FNTB: variants seen among roughly 807,000 people sequenced by gnomAD.
FNTB encodes protein farnesyltransferase subunit beta.
FNTB carries 27 observed loss-of-function variants against 59.4 expected under a neutral mutation model. The ratio of observed to expected loss-of-function variants is 0.45; its 90% CI spans 0.34 to 0.63. The LOEUF (loss-of-function observed/expected upper bound fraction) is 0.63, where lower values mean the gene tolerates loss of function less well. Ranked by LOEUF, FNTB falls within the 20% of genes least tolerant of loss-of-function variation. The probability of loss-of-function intolerance (pLI) is 0.02; values close to 1 mark genes in which losing one functional copy is unlikely to be tolerated. For missense variants in FNTB, 449 were observed against 559.6 expected, an observed-to-expected ratio of 0.80 and a Z score of 1.99; for synonymous variants, 230 against 220.7, an observed-to-expected ratio of 1.04 and a Z score of -0.37.
chr14:65,006,066 A>C, intron 2 of FNTB: 1 of 1,453,732 alleles, frequency 6.9e-7, no homozygotes, highest in Non-Finnish European at 9.3e-7. Flanking sequence ...GAGATCTTCT[A>C]ACAGACTAAA....
chr14:65,044,226 C>T lies in FNTB; in HGVS notation c.823-85C>T, dbSNP rs2062425132. Reference sequence around the variant, plus strand: ...GCCACAAGATGGGAAACCCTCCATCCCACAGATTGACTCCTGGAGATTCTG... The same window carrying T: ...GCCACAAGATGGGAAACCCTCCATCTCACAGATTGACTCCTGGAGATTCTG... On this transcript the variant is annotated intron_variant, in intron 8 of 11. Transcript: ENST00000246166. This position sits in a 1 kb window ranked among gnomAD's most constrained non-coding sequence, Gnocchi z 5.5. 1.9e-6 allele frequency: 3 copies of T among 1,598,956 alleles called. No homozygotes were observed. In the African/African-American group the frequency reaches 4.1e-5, roughly 22 times the overall value.
chr14:65,060,977 C>T (rs547803700), intron 11 of FNTB, among the ~76,000 whole-genome samples: 8 of 150,642 alleles, frequency 5.3e-5, no homozygotes, highest in Admixed American at 2.7e-4. Context: ...TATTTAAATG[C>T]GTGTTTATAA....
rs2061606689 is a variant in FNTB at position 65,007,091 on chromosome 14, G to A, written c.209+2778G>A. Reference sequence around the variant, plus strand: ...GTTTTAAAGGATGCTAATTAATATTGGAGATACTATACATTTTGGCTGAAT... The same window carrying A: ...GTTTTAAAGGATGCTAATTAATATTAGAGATACTATACATTTTGGCTGAAT... On this transcript the variant is annotated intron_variant, in intron 2 of 11. Coordinates refer to ENST00000246166, the MANE Select transcript of FNTB (RefSeq NM_002028.4). The surrounding 1 kb of genome is among the most constrained non-coding windows in gnomAD (Gnocchi z 4.9). 6.6e-6 allele frequency among the ~76,000 whole-genome samples: 1 copy of A among 152,096 alleles called. No homozygotes were observed. The highest frequency in any genetic ancestry group is 2.1e-4 in the South Asian group (1 of 4,830).
chr14:65,020,393 G>A (rs773785987), intron 4 of FNTB, among the ~76,000 whole-genome samples: 141 of 151,972 alleles, frequency 9.3e-4, no homozygotes, highest in Non-Finnish European at 1.7e-3. Flanking sequence ...GATTATAGGC[G>A]TGAGCCACCA....
At chr14:65,039,039 G>A (rs2062282355) in intron 7 of FNTB, among the ~76,000 whole-genome samples, 2 of 151,758 alleles carry the variant, frequency 1.3e-5, no homozygotes, top group Non-Finnish European at 2.9e-5. Context: ...TGTTTGTTTT[G>A]GTCTCCTCTT....
At position 64,986,982 on chromosome 14, in the gene FNTB, A is replaced by G. The variant is rs775983734; in HGVS notation, c.29A>G (p.Tyr10Cys). Residue 10 changes from tyrosine (Y) to cysteine (C), a missense_variant, in exon 1 of 12, where the codon TAT becomes TGT. Coordinates refer to ENST00000246166, the MANE Select transcript of FNTB (RefSeq NM_002028.4). MASPSSFTY[Y>C]CPPSSSPVWS... is the part of the protein sequence containing the mutation. ...GCTTCTCCGAGTTCTTTCACCTACT[A>G]TTGCCCTCCATCTTCCTCCCCCGTC... 39 of 1,613,816 alleles carry G rather than the reference A, an allele frequency of 2.4e-5. No individual in the cohort carries two copies. The highest frequency in any genetic ancestry group is 6.7e-5 in the African/African-American group (5 of 74,826).
intron 9 of FNTB, 136 bp from the exon 10 acceptor site, chr14:65,053,102 C>A: frequency 1.8e-6 from 1 of 545,564 alleles, no homozygotes; most frequent in Non-Finnish European, 2.8e-6. Flanking sequence ...GGGAAGATAG[C>A]AGTTGTACCA....
At chr14:64,987,255 G>T in intron 1 of FNTB, 158 bp downstream of exon 1, 1 of 856,892 alleles carries the variant, frequency 1.2e-6, no homozygotes, top group Non-Finnish European at 1.8e-6. Flanking sequence ...GCCCAGGCTT[G>T]GGCTTCGTCG....
At position 65,032,619 on chromosome 14, in the gene FNTB, C is replaced by G; in HGVS notation, c.615C>G (p.Tyr205Ter). The change falls in exon 7 of 12, where the codon TAC (tyrosine) becomes TAG (stop). Residue 205 changes from tyrosine to a stop codon, truncating the protein, a stop_gained. Transcript: ENST00000246166. LOFTEE classifies it high-confidence loss of function. The surrounding 1 kb of genome is among the most constrained non-coding windows in gnomAD (Gnocchi z 5.0). ...GTTTCTGTCTTTCCAGAAGCGCATA[C>G]TGTGCTGCCTCCGTAGCCTCGCTGA... ...VGGEVDVRSA[Y>*]CAASVASLTN... The G allele has an allele frequency of 2.5e-6, 4 of 1,613,820 alleles. No homozygotes were observed. Among genetic ancestry groups the G allele is most frequent in the Non-Finnish European group, 3.4e-6 (4 of 1,179,998 alleles).
intron 9 of FNTB, among the ~76,000 whole-genome samples, chr14:65,049,932 C>A (rs1422956907): frequency 6.6e-6 from 1 of 151,746 alleles, no homozygotes; most frequent in African/African-American, 2.4e-5. Flanking sequence ...AAAAGGAAAT[C>A]GTGAAGGAAA....
chr14:65,043,848 A>G (rs1348169128), intron 8 of FNTB, among the ~76,000 whole-genome samples: 2 of 150,570 alleles, frequency 1.3e-5, no homozygotes, highest in African/African-American at 4.9e-5. Flanking sequence ...AAAAAAAAAA[A>G]AAAAAAAAAA....
chr14:65,008,851 A>T (rs1339348274), intron 2 of FNTB, among the ~76,000 whole-genome samples: 1 of 152,092 alleles, frequency 6.6e-6, no homozygotes, highest in Non-Finnish European at 1.5e-5. Context: ...GTACACATAG[A>T]TGTGTAAGTT....
rs141922849 is a variant in FNTB at position 65,033,750 on chromosome 14, G to A, written c.692+1054G>A. ...CGGGCGCCTGTAGTCCCAGCTACTCGGGAAGCTGAGGCAGGAGAATGGAGT... is the reference window on the plus strand; with the variant it reads ...CGGGCGCCTGTAGTCCCAGCTACTCAGGAAGCTGAGGCAGGAGAATGGAGT... On this transcript the variant is annotated intron_variant, in intron 7 of 11. Coordinates refer to ENST00000246166, the MANE Select transcript of FNTB (RefSeq NM_002028.4). Among the ~76,000 whole-genome samples the A allele has an allele frequency of 2.5e-3, 378 of 152,168 alleles. 2 individuals are homozygous for A. The highest frequency in any genetic ancestry group is 0.01 in the Middle Eastern group (3 of 294).
chr14:65,031,581 G>C lies in FNTB; in HGVS notation c.606-1029G>C, dbSNP rs540773381. ...TCCACCTGCCTCAGCCTCCCAAAGT[G>C]CTGGGATTACAGGCATGAGCAACTG... On this transcript the variant is annotated intron_variant, in intron 6 of 11. Transcript: ENST00000246166. This position sits in a 1 kb window ranked among gnomAD's most constrained non-coding sequence, Gnocchi z 4.6. 5.1e-4 allele frequency among the ~76,000 whole-genome samples: 77 copies of C among 152,210 alleles called. No individual in the cohort carries two copies. Among genetic ancestry groups the C allele is most frequent in the African/African-American group, 1.8e-3 (73 of 41,564 alleles).
rs1185309073 is a variant in FNTB, at chr14:65,014,261, G to T, written c.283-1364G>T. Among the ~76,000 whole-genome samples the T allele has an allele frequency of 1.3e-5, 2 of 152,200 alleles. No homozygotes were observed. Among genetic ancestry groups the T allele is most frequent in the African/African-American group, 4.8e-5 (2 of 41,446 alleles). On this transcript the variant is annotated intron_variant, in intron 3 of 11. Transcript: ENST00000246166. The surrounding 1 kb of genome is among the most constrained non-coding windows in gnomAD (Gnocchi z 5.1). ...CTACCTACCCTGCCTAGCCTTGAAT[G>T]CTCAATAATCATTTATGGTTTAATT...
chr14:65,036,027 C>A (rs923895693), intron 7 of FNTB, among the ~76,000 whole-genome samples: 14 of 152,096 alleles, frequency 9.2e-5, no homozygotes, highest in Non-Finnish European at 4.4e-5. Context: ...AAGACAGAGT[C>A]TCACTGTGTT....
intron 4 of FNTB, among the ~76,000 whole-genome samples, chr14:65,020,936 G>A (rs1442335157): frequency 1.3e-5 from 2 of 151,660 alleles, no homozygotes; most frequent in Non-Finnish European, 2.9e-5. Context: ...CAACATGTTG[G>A]CCAGGCTGGT....
At chr14:65,050,637 A>G (rs997980133) in intron 9 of FNTB, among the ~76,000 whole-genome samples, 16 of 152,156 alleles carry the variant, frequency 1.1e-4, no homozygotes, top group Admixed American at 6.5e-5. Flanking sequence ...GTATAGCAAA[A>G]TTTTAAATTT....
chr14:64,988,743 C>A (rs1395056067), intron 1 of FNTB, among the ~76,000 whole-genome samples: 1 of 152,118 alleles, frequency 6.6e-6, no homozygotes, highest in African/African-American at 2.4e-5. Context: ...GAGTATCTTT[C>A]AAATCTAGAC....
Sources: allele counts gnomAD v4.1 joint callset (sites outside exome capture counted in the v4.1 genomes callset), GRCh38; gene constraint gnomAD v4.1.1; non-coding constraint Gnocchi (gnomAD v3.1); transcripts MANE v1.5; gene names NCBI Gene and HGNC (gene_info 2026-07-23, HGNC 2026-07-21).